The following SYT16 variants were observed in gnomAD, a reference collection of about 807,000 sequenced individuals.
The protein encoded by SYT16 is synaptotagmin-16.
A neutral mutation model predicts 61.4 loss-of-function variants in SYT16; 42 were observed. That is an observed-to-expected ratio of 0.68 (90% confidence interval 0.53 to 0.89). The LOEUF is 0.89. Ranked by LOEUF, SYT16 falls within the 40% of genes least tolerant of loss-of-function variation. The pLI is 0.00. For missense variants in SYT16, 804 were observed against 807.3 expected (o/e 1.00, Z 0.05); for synonymous variants, 314 against 302.3 (o/e 1.04, Z -0.40).
intron 1 of SYT16, among the ~76,000 whole-genome samples, chr14:61,964,890 A>G (rs2051250293): frequency 6.6e-6 from 1 of 150,796 alleles, no homozygotes; most frequent in Admixed American, 6.6e-5. Flanking sequence ...GGGATCAGTG[A>G]TTTTTAGCTT....
chr14:61,942,751 T>C (rs1263737225), intron 1 of SYT16, among the ~76,000 whole-genome samples: 1 of 152,172 alleles, frequency 6.6e-6, no homozygotes, highest in Non-Finnish European at 1.5e-5. Context: ...GTTTCAGTTT[T>C]ATTTGTTTGT....
intron 1 of SYT16, among the ~76,000 whole-genome samples, chr14:61,954,470 C>T (rs528327829): frequency 5.9e-5 from 9 of 152,146 alleles, no homozygotes; most frequent in East Asian, 1.9e-4. Flanking sequence ...TCCAGTGGCA[C>T]GCCAGACATA....
At chr14:61,937,171 C>T (rs72718521) in intron 1 of SYT16, among the ~76,000 whole-genome samples, 11,951 of 152,290 alleles carry the variant, frequency 0.078, 511 homozygotes, top group Middle Eastern at 0.12. Context: ...TTTACATTTG[C>T]TTTAAACTGA....
At chr14:61,857,077 G>A (rs1222508532) in intron 1 of SYT16, among the ~76,000 whole-genome samples, 1 of 152,154 alleles carries the variant, frequency 6.6e-6, no homozygotes, top group African/African-American at 2.4e-5. Context: ...GAATGAGAGA[G>A]CAGAGAAGTG....
chr14:61,923,565 C>G (rs554515821), intron 1 of SYT16, among the ~76,000 whole-genome samples: 1 of 152,058 alleles, frequency 6.6e-6, no homozygotes, highest in East Asian at 1.9e-4. Flanking sequence ...AGTGAGCGAG[C>G]GGAAACATTT....
chr14:61,833,813 T>A (rs1164774600), intron 1 of SYT16, among the ~76,000 whole-genome samples: 1 of 151,230 alleles, frequency 6.6e-6, no homozygotes, highest in East Asian at 1.9e-4. Flanking sequence ...GTGTACAGTT[T>A]CCTTTTTACT....
intron 5 of SYT16, among the ~76,000 whole-genome samples, chr14:62,075,945 A>G (rs1245450785): frequency 1.3e-5 from 2 of 152,256 alleles, no homozygotes; most frequent in African/African-American, 4.8e-5. Flanking sequence ...CCTAGGAGAC[A>G]GCATTAATCA....
intron 1 of SYT16, among the ~76,000 whole-genome samples, chr14:61,878,066 C>T (rs1030935024): frequency 3.3e-5 from 5 of 152,064 alleles, no homozygotes; most frequent in Non-Finnish European, 7.4e-5. Context: ...TTCTACTCAC[C>T]GTTCTCCAGG....
intron 1 of SYT16, among the ~76,000 whole-genome samples, chr14:61,887,770 G>A (rs2047965209): frequency 6.6e-6 from 1 of 152,172 alleles, no homozygotes; most frequent in African/African-American, 2.4e-5. Flanking sequence ...TTCGGGCCTT[G>A]CTCATGATTA....
At chr14:62,059,187 A>G (rs537239445) in intron 3 of SYT16, among the ~76,000 whole-genome samples, 7 of 152,334 alleles carry the variant, frequency 4.6e-5, no homozygotes, top group South Asian at 4.1e-4. Flanking sequence ...AAGTTTACCT[A>G]TGTAACAAAC....
At chr14:62,041,580 C>T (rs773034630) in intron 3 of SYT16, among the ~76,000 whole-genome samples, 4 of 152,132 alleles carry the variant, frequency 2.6e-5, no homozygotes, top group Non-Finnish European at 4.4e-5. Flanking sequence ...GATCTCAGCT[C>T]ACTGCAACTC....
At chr14:62,066,415 T>C (rs901281026) in intron 3 of SYT16, among the ~76,000 whole-genome samples, 1 of 152,178 alleles carries the variant, frequency 6.6e-6, no homozygotes, top group African/African-American at 2.4e-5. Context: ...GTTGTAAAGG[T>C]TTTGTGTGTC....
chr14:61,857,724 G>C lies in SYT16; in HGVS notation c.-325+44914G>C, dbSNP rs566655458. 5.3e-5 allele frequency among the ~76,000 whole-genome samples: 8 copies of C among 152,278 alleles called. No individual in the cohort carries two copies. In the South Asian group the frequency reaches 1.5e-3, roughly 28 times the overall value. On this transcript the variant is annotated intron_variant, in intron 1 of 7. Transcript: ENST00000683842. ...TAGAAAGGGAAAAATCTCTGATGCAGGAGAGAAAGAATTGATGGAACAGTG... is the reference window on the plus strand; with the variant it reads ...TAGAAAGGGAAAAATCTCTGATGCACGAGAGAAAGAATTGATGGAACAGTG...
At chr14:61,948,484 G>A (rs567099626) in intron 1 of SYT16, among the ~76,000 whole-genome samples, 3 of 152,072 alleles carry the variant, frequency 2.0e-5, no homozygotes, top group East Asian at 1.9e-4. Context: ...CACGGCAGTC[G>A]GGCCTCAGAA....
At chr14:62,076,486 T>G (rs1421838675) in intron 5 of SYT16, among the ~76,000 whole-genome samples, 5 of 151,802 alleles carry the variant, frequency 3.3e-5, no homozygotes, top group Middle Eastern at 3.2e-3. Context: ...TTTCCAAGCC[T>G]TAACTGCTAA....
intron 1 of SYT16, among the ~76,000 whole-genome samples, chr14:61,831,648 T>C (rs1403045521): frequency 1.3e-5 from 2 of 152,232 alleles, no homozygotes; most frequent in Non-Finnish European, 2.9e-5. Flanking sequence ...CATATTCATA[T>C]TCTTTATTTC....
chr14:61,959,033 T>C (rs2051003292), intron 1 of SYT16, among the ~76,000 whole-genome samples: 1 of 152,180 alleles, frequency 6.6e-6, no homozygotes, highest in Non-Finnish European at 1.5e-5. Flanking sequence ...AGTTTTTGTC[T>C]TAGTGTCCAT....
chr14:61,815,356 A>G lies in SYT16; in HGVS notation c.-325+2546A>G, dbSNP rs369935222. On this transcript the variant is annotated intron_variant, in intron 1 of 7. Transcript: ENST00000683842. ...ATAAGATAAATCAAACCTGGGCACA[A>G]TATTGCCTTAGGGCTATAGCTGAGT... is the stretch of plus-strand genomic sequence containing the variant. Among the ~76,000 whole-genome samples, 46 of 152,298 alleles carry G rather than the reference A, an allele frequency of 3.0e-4. No individual in the cohort carries two copies. In the East Asian group the frequency reaches 7.7e-3, roughly 26 times the overall value.
chr14:62,063,922 T>C (rs2055941066), intron 3 of SYT16, among the ~76,000 whole-genome samples: 1 of 152,188 alleles, frequency 6.6e-6, no homozygotes, highest in African/African-American at 2.4e-5. Context: ...GTCAGCTTTC[T>C]CTTTGGTGGC....
Sources: gnomAD v4.1 joint callset for allele counts (sites outside exome capture counted in the v4.1 genomes callset) on GRCh38, gnomAD v4.1.1 for gene constraint, MANE v1.5 for transcripts, NCBI Gene and HGNC (gene_info 2026-07-23, HGNC 2026-07-21) for gene names.